ELAPOR2: variants seen among roughly 807,000 people sequenced by gnomAD.
The protein encoded by ELAPOR2 is endosome/lysosome-associated apoptosis and autophagy regulator family member 2.
In ELAPOR2, 89 loss-of-function variants were observed where a neutral mutation model predicts 120.7. That is an observed-to-expected ratio of 0.74 (90% CI 0.62 to 0.88). The LOEUF (loss-of-function observed/expected upper bound fraction) is 0.88, where lower values mean the gene tolerates loss of function less well. Ranked by LOEUF, ELAPOR2 falls within the 40% of genes least tolerant of loss-of-function variation. The pLI is 0.00. For missense variants in ELAPOR2, 1,134 were observed against 1,251.6 expected (o/e 0.91, Z 1.42); for synonymous variants, 444 against 444.9 (o/e 1.00, Z 0.03).
rs571985975 is a variant in ELAPOR2, at chr7:86,879,001, C to T, written c.*1470G>A. On this transcript the variant is annotated 3_prime_UTR_variant, in exon 22 of 22. Transcript: ENST00000450689. ...CAAAAATAAAGACACCACCTTCAGA[C>T]ACAAAAGTTACAAGTCATACTTCAT... The T allele has an allele frequency of 1.3e-5, 2 of 152,272 alleles. No individual in the cohort carries two copies. The highest frequency in any genetic ancestry group is 1.3e-4 in the Admixed American group (2 of 15,286). The allele number at this position is 152,272 out of a possible 1,614,324, so 9.4% of individuals were successfully genotyped here. A position where few individuals can be genotyped will look rare whatever the true frequency, so the allele number is the denominator to read the frequency against.
At chr7:86,895,136 T>C (rs1788379703) in intron 19 of ELAPOR2, among the ~76,000 whole-genome samples, 2 of 152,106 alleles carry the variant, frequency 1.3e-5, no homozygotes, top group Admixed American at 1.3e-4. Flanking sequence ...AATATACCCA[T>C]TGCAATATTT....
intron 17 of ELAPOR2, among the ~76,000 whole-genome samples, chr7:86,908,073 A>G (rs901781101): frequency 1.3e-5 from 2 of 151,736 alleles, no homozygotes; most frequent in Admixed American, 1.3e-4. Flanking sequence ...ACTTAGGCCA[A>G]TGCTTTGATA....
intron 1 of ELAPOR2, among the ~76,000 whole-genome samples, chr7:87,052,767 G>GTTTGTTTTGTTTTGTTTTGT (rs1298057074): frequency 7.8e-5 from 8 of 102,792 alleles, no homozygotes; most frequent in African/African-American, 2.4e-4. Flanking sequence ...TGATCACAGG[G>GTTTGTTTTGTTTTGTTTTGT]TTTGTTTTCT....
intron 1 of ELAPOR2, among the ~76,000 whole-genome samples, chr7:86,974,580 AGTGTGTGTGTGTGTGTGT>A (rs35712048): frequency 2.2e-5 from 3 of 138,734 alleles, no homozygotes; most frequent in Non-Finnish European, 4.7e-5. Context: ...GAACCCCTGT[AGTGTGTGTGTGTGTGTGT>A]GTGTGTGTGT....
At chr7:86,932,470 A>G (rs1790369264) in intron 8 of ELAPOR2, among the ~76,000 whole-genome samples, 1 of 151,906 alleles carries the variant, frequency 6.6e-6, no homozygotes, top group Admixed American at 6.6e-5. Context: ...CATGTGAATC[A>G]TGTCCCACAA....
chr7:86,972,246 A>G (rs1481042784), intron 1 of ELAPOR2, among the ~76,000 whole-genome samples: 1 of 152,152 alleles, frequency 6.6e-6, no homozygotes, highest in African/African-American at 2.4e-5. Context: ...TGTATCGCTC[A>G]TCAGAATTCA....
chr7:86,973,940 G>T (rs946053501), intron 1 of ELAPOR2, among the ~76,000 whole-genome samples: 2 of 152,032 alleles, frequency 1.3e-5, no homozygotes, highest in African/African-American at 2.4e-5. Flanking sequence ...AAGAAAGATA[G>T]CTACCACTTT....
intron 1 of ELAPOR2, among the ~76,000 whole-genome samples, chr7:86,967,045 G>C (rs1345675399): frequency 6.6e-6 from 1 of 152,168 alleles, no homozygotes; most frequent in Non-Finnish European, 1.5e-5. Context: ...TTGGACGACA[G>C]GGGCAGTAGG....
intron 18 of ELAPOR2, among the ~76,000 whole-genome samples, chr7:86,905,216 GGAAGA>G (rs1212091923): frequency 6.7e-6 from 1 of 150,140 alleles, no homozygotes; most frequent in Non-Finnish European, 1.5e-5. Flanking sequence ...AAGAGAGAGA[GGAAGA>G]GAAGAGAAGA....
intron 1 of ELAPOR2, among the ~76,000 whole-genome samples, chr7:87,039,128 T>C (rs1009677615): frequency 1.3e-5 from 2 of 151,986 alleles, no homozygotes; most frequent in Admixed American, 1.3e-4. Context: ...GAGGCTACTA[T>C]GAGTAACTAT....
chr7:86,957,791 A>C (rs1319051837), intron 2 of ELAPOR2, among the ~76,000 whole-genome samples: 1 of 152,186 alleles, frequency 6.6e-6, no homozygotes, highest in Admixed American at 6.5e-5. Flanking sequence ...CAAGGTTTTG[A>C]GACTATAGTA....
chr7:87,030,527 G>C (rs969956611), intron 1 of ELAPOR2, among the ~76,000 whole-genome samples: 1 of 152,112 alleles, frequency 6.6e-6, no homozygotes, highest in Non-Finnish European at 1.5e-5. Context: ...ACTGAATTAA[G>C]TTTGGCCTAA....
chr7:86,879,527 A>G lies in ELAPOR2; in HGVS notation c.*944T>C, dbSNP rs1194766145. ...AACCTCTGGTGCTTGACAAAGAACA[A>G]AAGTCCCACTGACATTTTCTGGAGA... On this transcript the variant is annotated 3_prime_UTR_variant, in exon 22 of 22. Transcript: ENST00000450689. The G allele has an allele frequency of 1.3e-5, 2 of 152,284 alleles. No homozygotes were observed. The highest frequency in any genetic ancestry group is 3.4e-3 in the Middle Eastern group (1 of 294). 9.4% of individuals were successfully genotyped at this position (152,284 alleles called of 1,614,324 possible). A position where few individuals can be genotyped will look rare whatever the true frequency, so the allele number is the denominator to read the frequency against.
chr7:87,041,682 A>G (rs953000186), intron 1 of ELAPOR2, among the ~76,000 whole-genome samples: 12 of 152,046 alleles, frequency 7.9e-5, no homozygotes, highest in Admixed American at 5.9e-4. Context: ...GACCATCGAG[A>G]CTAGGAAGAA....
At chr7:86,956,276 T>TGTTTTC (rs2116437517) in intron 2 of ELAPOR2, among the ~76,000 whole-genome samples, 1 of 152,354 alleles carries the variant, frequency 6.6e-6, no homozygotes, top group African/African-American at 2.4e-5. Flanking sequence ...AAGAGAAACC[T>TGTTTTC]GTTTTCATCT....
intron 2 of ELAPOR2, among the ~76,000 whole-genome samples, chr7:86,963,614 A>G (rs1367507820): frequency 6.6e-6 from 1 of 152,240 alleles, no homozygotes. Flanking sequence ...CCAAGGAATT[A>G]GCCCACAAAT....
rs1303100485 is a variant in ELAPOR2, at chr7:86,892,959, C to G, written c.2827G>C (p.Val943Leu). Residue 943 changes from valine to leucine, a missense_variant, in exon 20 of 22, where the codon GTG (valine) becomes CTG (leucine). Physicochemically the swap from Val to Leu is conservative, Grantham distance 32. Coordinates refer to ENST00000450689, the MANE Select transcript of ELAPOR2 (RefSeq NM_001142749.3). Reference sequence around the variant, plus strand: ...TTCCAGAAGTAGCAGGTCAGAGCCACCAGCAAAACGGCAGTAAAAGCTCCC... The same window carrying G: ...TTCCAGAAGTAGCAGGTCAGAGCCAGCAGCAAAACGGCAGTAAAAGCTCCC... ...GVGAFTAVLL[V>L]ALTCYFWKKN... 1 of 1,573,152 alleles carries G rather than the reference C, an allele frequency of 6.4e-7. No individual in the cohort carries two copies. The highest frequency in any genetic ancestry group is 1.4e-5 in the African/African-American group (1 of 71,406).
At chr7:86,988,309 C>T (rs563071144) in intron 1 of ELAPOR2, among the ~76,000 whole-genome samples, 9 of 151,920 alleles carry the variant, frequency 5.9e-5, no homozygotes, top group East Asian at 3.9e-4. Context: ...CAAGCCTGCA[C>T]GTTGTGCACA....
intron 13 of ELAPOR2, among the ~76,000 whole-genome samples, 174 bp from the exon 14 acceptor site, chr7:86,913,378 A>T (rs530025334): frequency 5.3e-5 from 8 of 152,184 alleles, no homozygotes; most frequent in Non-Finnish European, 1.2e-4. Flanking sequence ...AAAAATCTTA[A>T]ATCTTGATAC....
Sources: gnomAD v4.1 joint callset for allele counts (sites outside exome capture counted in the v4.1 genomes callset) on GRCh38, gnomAD v4.1.1 for gene constraint, MANE v1.5 for transcripts, NCBI Gene and HGNC (gene_info 2026-07-23, HGNC 2026-07-21) for gene names.